Variants in CCL22 observed in about 807,000 individuals in gnomAD.
CCL22 encodes C-C motif chemokine 22.
In CCL22, 7 loss-of-function variants were observed where a neutral mutation model predicts 7.6. The ratio of observed to expected loss-of-function variants is 0.92; its 90% CI spans 0.52 to 1.72. The LOEUF is 1.72. Among genes scored for constraint, CCL22 ranks in the 40% most tolerant of loss-of-function variants. The pLI, the probability that CCL22 is intolerant of heterozygous loss-of-function variation, is 0.00. For synonymous variants in CCL22, 55 were observed against 47.2 expected (o/e 1.17, Z -0.68); for missense variants, 115 against 124.7 (o/e 0.92, Z 0.37).
At chr16:57,360,349 AG>A (rs1317771902) in intron 1 of CCL22, 87 bp from the exon 2 acceptor site, 2 of 1,516,002 alleles carry the variant, frequency 1.3e-6, no homozygotes, top group Non-Finnish European at 1.8e-6. Context: ...TCTTTCCTGG[AG>A]CCTGGAGAGG....
rs35849109 is a variant in CCL22 at position 57,363,977 on chromosome 16, G to A, written c.*389G>A. On this transcript the variant is annotated 3_prime_UTR_variant, in exon 3 of 3. Coordinates refer to ENST00000219235, the MANE Select transcript of CCL22 (RefSeq NM_002990.5). ...CATGAATGTTGGGTTCTAGCTCCCT[G>A]TTCTCCAAACCCATACTACACATCC... 0.016 allele frequency: 3,122 copies of A among 197,976 alleles called. 35 individuals carry two copies. Among genetic ancestry groups the A allele is most frequent in the Non-Finnish European group, 0.025 (2,363 of 94,944 alleles). The allele number at this position is 197,976 out of a possible 1,614,324, so 12.3% of individuals were successfully genotyped here. A position where few individuals can be genotyped will look rare whatever the true frequency, so the allele number is the denominator to read the frequency against.
intron 2 of CCL22, among the ~76,000 whole-genome samples, chr16:57,361,900 T>C (rs1216712270): frequency 1.3e-5 from 2 of 152,220 alleles, no homozygotes; most frequent in Non-Finnish European, 2.9e-5. Context: ...AGTTCTTGTC[T>C]CTTTAACTCT....
chr16:57,360,634 G>A lies in CCL22; in HGVS notation c.197+74G>A, dbSNP rs936704010. 4.5e-6 allele frequency: 7 copies of A among 1,571,208 alleles called. No homozygotes were observed. In the Admixed American group the frequency reaches 5.1e-5, roughly 11 times the overall value. On this transcript the variant is annotated intron_variant, in intron 2 of 2. Transcript: ENST00000219235. ...AGCCTGGGATGGCCCAGGTGCTGGTGGGTGGGACACACCCAGGGATGAGAG... is the reference window on the plus strand; with the variant it reads ...AGCCTGGGATGGCCCAGGTGCTGGTAGGTGGGACACACCCAGGGATGAGAG...
intron 1 of CCL22, among the ~76,000 whole-genome samples, chr16:57,359,453 T>C (rs1902024830): frequency 6.6e-6 from 1 of 151,292 alleles, no homozygotes; most frequent in African/African-American, 2.4e-5. Context: ...GTAGCTGGGA[T>C]TACAGGCATG....
At chr16:57,358,629 G>A (rs906332489), upstream of CCL22, 107 of 592,456 alleles carry the variant, frequency 1.8e-4, no homozygotes, top group Non-Finnish European at 5.5e-5. Flanking sequence ...CCCCGCCAAA[G>A]AGAATTTCTC....
intron 1 of CCL22, among the ~76,000 whole-genome samples, chr16:57,359,131 A>G (rs1414944892): frequency 6.6e-6 from 1 of 151,966 alleles, no homozygotes; most frequent in African/African-American, 2.4e-5. Flanking sequence ...TGGTGGGCAT[A>G]GCCTCGGGAT....
At position 57,365,590 on chromosome 16, in the gene CCL22, T is replaced by A. The variant is rs4784800; in HGVS notation, c.*2002T>A. 0.12 allele frequency: 17,504 copies of A among 152,048 alleles called. 1,148 individuals carry two copies. Among genetic ancestry groups the A allele is most frequent in the South Asian group, 0.19 (917 of 4,812 alleles). 9.4% of individuals were successfully genotyped at this position (152,048 alleles called of 1,614,324 possible). A position where few individuals can be genotyped will look rare whatever the true frequency, so the allele number is the denominator to read the frequency against. ...GTTGGGCCAGGCTAAAGACTGGGAT[T>A]TGGGTCTATCTATGCCTTTCTGGCT... On this transcript the variant is annotated 3_prime_UTR_variant, in exon 3 of 3. Transcript: ENST00000219235.
At chr16:57,362,167 G>T (rs547211525) in intron 2 of CCL22, among the ~76,000 whole-genome samples, 5 of 152,178 alleles carry the variant, frequency 3.3e-5, no homozygotes, top group Non-Finnish European at 7.4e-5. Flanking sequence ...ATAGTAAGAG[G>T]AAGGTGAAGA....
rs1902074583 is a variant in CCL22 at position 57,363,704 on chromosome 16, GA to G, written c.*117del. The G allele has an allele frequency of 1.4e-6, 1 of 693,542 alleles. No homozygotes were observed. Among genetic ancestry groups the G allele is most frequent in the Non-Finnish European group, 2.6e-6 (1 of 388,122 alleles). The allele number at this position is 693,542 out of a possible 1,614,324, so 43.0% of individuals were successfully genotyped here. On this transcript the variant is annotated 3_prime_UTR_variant, in exon 3 of 3. Transcript: ENST00000219235. Reference sequence around the variant, plus strand: ...CCTGTGCCAACTCTCTGCATTCCCTGATCTCCATCCCTGTGGCTGTCACCCT... The same window carrying G: ...CCTGTGCCAACTCTCTGCATTCCCTGTCTCCATCCCTGTGGCTGTCACCCT...
upstream of CCL22, among the ~76,000 whole-genome samples, chr16:57,358,170 G>T (rs184342927): frequency 9.2e-5 from 14 of 152,090 alleles, no homozygotes; most frequent in South Asian, 4.2e-4. Context: ...AGACAGGAGT[G>T]GGGGAGGGAG....
chr16:57,361,594 C>T (rs1184613769), intron 2 of CCL22, among the ~76,000 whole-genome samples: 2 of 152,196 alleles, frequency 1.3e-5, no homozygotes, highest in African/African-American at 4.8e-5. Context: ...TTCTTGTTCT[C>T]CTTTGCTTCT....
intron 2 of CCL22, among the ~76,000 whole-genome samples, chr16:57,362,483 T>C (rs1254788278): frequency 2.0e-5 from 3 of 152,046 alleles, no homozygotes; most frequent in African/African-American, 7.3e-5. Flanking sequence ...TCAAATCATA[T>C]GTGATCACTG....
chr16:57,358,652 A>C, upstream of CCL22: 3 of 626,610 alleles, frequency 4.8e-6, no homozygotes, highest in Non-Finnish European at 8.7e-6. Context: ...CTTTGGAGGA[A>C]GTGGGAGGTA....
In CCL22 at chr16:57,360,506, G is replaced by C; in HGVS notation, c.143G>C (p.Arg48Pro). ...TACGTCCGTTACCGTCTGCCCCTGC[G>C]CGTGGTGAAACACTTCTACTGGACC... is the stretch of plus-strand genomic sequence containing the variant. ...RDYVRYRLPLRVVKHFYWTSD... is the reference protein window; with the variant it reads ...RDYVRYRLPLPVVKHFYWTSD... Residue 48 changes from arginine to proline, a missense_variant, in exon 2 of 3, where the codon CGC becomes CCC. Physicochemically the swap from Arg to Pro is moderately radical, Grantham distance 103 (BLOSUM62 -2). Coordinates refer to ENST00000219235, the MANE Select transcript of CCL22 (RefSeq NM_002990.5). 3.7e-6 allele frequency: 6 copies of C among 1,614,234 alleles called. No individual in the cohort carries two copies. The highest frequency in any genetic ancestry group is 5.1e-6 in the Non-Finnish European group (6 of 1,180,026).
intron 2 of CCL22, 48 bp downstream of exon 2, chr16:57,360,608 C>T: frequency 1.2e-6 from 2 of 1,611,768 alleles, no homozygotes; most frequent in South Asian, 1.1e-5. Context: ...CTGACGGGTA[C>T]AGCCTGGGAT....
chr16:57,361,133 C>A (rs373968998), intron 2 of CCL22, among the ~76,000 whole-genome samples: 1 of 151,916 alleles, frequency 6.6e-6, no homozygotes, highest in Non-Finnish European at 1.5e-5. Context: ...ATGGTGCGTG[C>A]CTGTGGTCCC....
chr16:57,360,381 C>A, intron 1 of CCL22, 56 bp from the exon 2 acceptor site: 1 of 1,596,190 alleles, frequency 6.3e-7, no homozygotes, highest in South Asian at 1.1e-5. Flanking sequence ...GGGCTGGGGC[C>A]GAGGGTGACC....
chr16:57,358,953 A>T lies in CCL22; in HGVS notation c.73+64A>T, dbSNP rs929215706. 72 of 1,270,988 alleles carry T rather than the reference A, an allele frequency of 5.7e-5. No individual in the cohort carries two copies. In the Middle Eastern group the frequency reaches 7.7e-4, roughly 14 times the overall value. The allele number at this position is 1,270,988 out of a possible 1,614,324, so 78.7% of individuals were successfully genotyped here. On this transcript the variant is annotated intron_variant, in intron 1 of 2. Transcript: ENST00000219235. Reference sequence around the variant, plus strand: ...GGGCAGACGGTGGGGTGTCTTCCTCATGTCTTGGACAAGCACTGGACCAAG... The same window carrying T: ...GGGCAGACGGTGGGGTGTCTTCCTCTTGTCTTGGACAAGCACTGGACCAAG...
At chr16:57,362,875 A>G (rs559183806) in intron 2 of CCL22, among the ~76,000 whole-genome samples, 35 of 152,006 alleles carry the variant, frequency 2.3e-4, no homozygotes, top group African/African-American at 8.2e-4. Flanking sequence ...AAAACAAAAC[A>G]AAACAAAACA....
Sources: allele counts gnomAD v4.1 joint callset (sites outside exome capture counted in the v4.1 genomes callset), GRCh38; gene constraint gnomAD v4.1.1; transcripts MANE v1.5; gene names NCBI Gene and HGNC (gene_info 2026-07-23, HGNC 2026-07-21).